The following ADGRL3 variants were observed in gnomAD, a reference collection of about 807,000 sequenced individuals.
ADGRL3 encodes adhesion G protein-coupled receptor L3.
A neutral mutation model predicts 153.5 loss-of-function variants in ADGRL3; 62 were observed. The ratio of observed to expected loss-of-function variants is 0.40; its 90% CI spans 0.33 to 0.50. The LOEUF (loss-of-function observed/expected upper bound fraction) is 0.50. ADGRL3 is among the 20% of genes least tolerant of loss of function. The pLI, the probability that ADGRL3 is intolerant of heterozygous loss-of-function variation, is 0.47. For synonymous variants in ADGRL3, 710 were observed against 672.5 expected (o/e 1.06, Z -0.86); for missense variants, 1,641 against 1,859.4 (o/e 0.88, Z 2.16).
chr4:62,067,869 A>G (rs1463571415), intron 25 of ADGRL3, among the ~76,000 whole-genome samples: 1 of 152,068 alleles, frequency 6.6e-6, no homozygotes, highest in Non-Finnish European at 1.5e-5. Flanking sequence ...TCCTTGGTTT[A>G]TGTGATGATC....
intron 8 of ADGRL3, among the ~76,000 whole-genome samples, chr4:61,799,596 C>T (rs1342093182): frequency 6.6e-6 from 1 of 152,050 alleles, no homozygotes; most frequent in Non-Finnish European, 1.5e-5. Context: ...GATAGGGATG[C>T]AGAACCCCCA....
intron 2 of ADGRL3, among the ~76,000 whole-genome samples, chr4:61,483,159 C>T (rs1240220744): frequency 2.0e-5 from 3 of 152,050 alleles, no homozygotes; most frequent in Non-Finnish European, 4.4e-5. Context: ...TTTCCAGTAA[C>T]CAAATCCTCT....
intron 2 of ADGRL3, among the ~76,000 whole-genome samples, chr4:61,414,946 C>T (rs941309011): frequency 6.6e-6 from 1 of 151,822 alleles, no homozygotes; most frequent in Non-Finnish European, 1.5e-5. Flanking sequence ...TATCTATTTA[C>T]TCTGCATAGT....
chr4:61,342,915 C>G (rs953791848), intron 1 of ADGRL3, among the ~76,000 whole-genome samples: 1 of 152,126 alleles, frequency 6.6e-6, no homozygotes, highest in African/African-American at 2.4e-5. Context: ...TTAATTGACT[C>G]ACAGTTCCAC....
rs76577665 is a variant in ADGRL3 at position 61,210,154 on chromosome 4, A to G, written c.-240+8389A>G. ...CATAATTATCCAGCATGTATACTGA[A>G]AAGGAAAGGATATGATATAGTAGGT... On this transcript the variant is annotated intron_variant, in intron 1 of 26. Transcript: ENST00000683033. Among the ~76,000 whole-genome samples, 1,515 of 152,324 alleles carry G rather than the reference A, an allele frequency of 9.9e-3. 21 individuals are homozygous for G. The highest frequency in any genetic ancestry group is 0.035 in the African/African-American group (1,449 of 41,574).
chr4:61,646,099 C>A (rs1686504158), intron 5 of ADGRL3, among the ~76,000 whole-genome samples: 1 of 152,174 alleles, frequency 6.6e-6, no homozygotes, highest in African/African-American at 2.4e-5. Context: ...CCTCTGCATT[C>A]TTTACGTAGT....
chr4:61,824,225 C>G (rs2097780919), intron 9 of ADGRL3, among the ~76,000 whole-genome samples: 1 of 151,976 alleles, frequency 6.6e-6, no homozygotes, highest in African/African-American at 2.4e-5. Context: ...ATTTACTCAC[C>G]AAGTGACAAA....
chr4:61,439,789 A>T (rs1389878051), intron 2 of ADGRL3, among the ~76,000 whole-genome samples: 4 of 152,092 alleles, frequency 2.6e-5, no homozygotes, highest in African/African-American at 9.7e-5. Flanking sequence ...TTTTAATAAG[A>T]TGACCTTGGA....
intron 1 of ADGRL3, among the ~76,000 whole-genome samples, chr4:61,375,099 T>C (rs1025936697): frequency 6.6e-6 from 1 of 152,122 alleles, no homozygotes; most frequent in African/African-American, 2.4e-5. Context: ...ATCATTTTTC[T>C]GGAACTGACA....
intron 2 of ADGRL3, among the ~76,000 whole-genome samples, chr4:61,404,431 A>G (rs1351848886): frequency 5.3e-5 from 8 of 151,982 alleles, no homozygotes; most frequent in Admixed American, 5.3e-4. Context: ...TCCAATTGCA[A>G]CTGACTTTTT....
intron 2 of ADGRL3, among the ~76,000 whole-genome samples, chr4:61,403,087 G>A (rs1269540984): frequency 6.6e-6 from 1 of 151,862 alleles, no homozygotes; most frequent in Non-Finnish European, 1.5e-5. Flanking sequence ...GAACTCTCTG[G>A]TGTCTCTTCT....
intron 9 of ADGRL3, among the ~76,000 whole-genome samples, chr4:61,865,932 G>A (rs2098395662): frequency 6.6e-6 from 1 of 152,176 alleles, no homozygotes; most frequent in South Asian, 2.1e-4. Flanking sequence ...TAGTATAAGT[G>A]ATTTCATGGG....
chr4:61,316,517 T>C (rs2150652690), intron 1 of ADGRL3, among the ~76,000 whole-genome samples: 1 of 152,328 alleles, frequency 6.6e-6, no homozygotes, highest in East Asian at 1.9e-4. Context: ...TTCTTGTGAA[T>C]TCTTCTGGTG....
intron 17 of ADGRL3, among the ~76,000 whole-genome samples, chr4:61,951,075 T>C (rs1458862973): frequency 6.6e-6 from 1 of 152,204 alleles, no homozygotes; most frequent in Non-Finnish European, 1.5e-5. Context: ...TTTACTTATT[T>C]ATTTATTTCC....
chr4:61,358,555 C>T (rs1398479428), intron 1 of ADGRL3, among the ~76,000 whole-genome samples: 1 of 144,680 alleles, frequency 6.9e-6, no homozygotes, highest in South Asian at 2.2e-4. Flanking sequence ...GGAGATCGTG[C>T]CACTGCACTC....
intron 9 of ADGRL3, among the ~76,000 whole-genome samples, chr4:61,890,843 A>G (rs1023445553): frequency 1.3e-5 from 2 of 152,176 alleles, no homozygotes; most frequent in Non-Finnish European, 2.9e-5. Context: ...CACCATTGAC[A>G]CACTTTTTTT....
chr4:61,274,518 T>G (rs2093366932), intron 1 of ADGRL3, among the ~76,000 whole-genome samples: 1 of 152,184 alleles, frequency 6.6e-6, no homozygotes, highest in Non-Finnish European at 1.5e-5. Flanking sequence ...GCCCAGAGCT[T>G]CTCAGTAAAT....
chr4:62,006,032 A>ATATATATT (rs1203029363), intron 21 of ADGRL3, among the ~76,000 whole-genome samples: 73 of 73,076 alleles, frequency 1.0e-3, no homozygotes, highest in Non-Finnish European at 1.4e-3. Context: ...ATATATATAT[A>ATATATATT]TTTTTTTTTT....
chr4:61,423,263 C>T (rs745576713), intron 2 of ADGRL3, among the ~76,000 whole-genome samples: 1 of 152,106 alleles, frequency 6.6e-6, no homozygotes, highest in Non-Finnish European at 1.5e-5. Flanking sequence ...AACCAGAAAA[C>T]GTTGACCATT....
Sources: allele counts gnomAD v4.1 joint callset (sites outside exome capture counted in the v4.1 genomes callset), GRCh38; gene constraint gnomAD v4.1.1; transcripts MANE v1.5; gene names NCBI Gene and HGNC (gene_info 2026-07-23, HGNC 2026-07-21).